The following DZIP3 variants were observed in gnomAD, a reference collection of about 807,000 sequenced individuals.
DZIP3 encodes the protein DAZ interacting zinc finger protein 3.
Under a neutral mutation model 162.0 loss-of-function variants are expected in DZIP3, and 118 were observed. The ratio of observed to expected loss-of-function variants is 0.73; its 90% CI spans 0.63 to 0.85. DZIP3 has a LOEUF of 0.85. DZIP3 is among the 40% of genes least tolerant of loss of function. The probability of loss-of-function intolerance (pLI) is 0.00; values close to 1 mark genes in which losing one functional copy is unlikely to be tolerated. For missense variants in DZIP3, 1,331 were observed against 1,407.0 expected, an observed-to-expected ratio of 0.95 and a Z score of 0.86; for synonymous variants, 438 against 458.6, an observed-to-expected ratio of 0.96 and a Z score of 0.57.
intron 12 of DZIP3, among the ~76,000 whole-genome samples, chr3:108,642,227 T>C (rs1000569751): frequency 6.7e-6 from 1 of 149,160 alleles, no homozygotes; most frequent in African/African-American, 2.5e-5. Context: ...GTATGAAATC[T>C]GGCAATACTG....
intron 25 of DZIP3, among the ~76,000 whole-genome samples, chr3:108,676,703 A>G (rs1944123795): frequency 6.6e-6 from 1 of 151,766 alleles, no homozygotes; most frequent in African/African-American, 2.4e-5. Flanking sequence ...TTTCTCTCCA[A>G]ACTCTTTCTT....
Position 108,631,342 on chromosome 3 carries a change from CTT to C in DZIP3, c.697-1609_697-1608del, listed in dbSNP as rs200255809. 6.7e-3 allele frequency among the ~76,000 whole-genome samples: 1,015 copies of C among 151,508 alleles called. 11 individuals are homozygous for C. Among genetic ancestry groups the C allele is most frequent in the African/African-American group, 0.024 (971 of 41,298 alleles). Reference sequence around the variant, plus strand: ...CTTTCAAGTATCAAAATAATTTATCCTTTGTATACTCTGTTCATATCTTGCCT... The same window carrying C: ...CTTTCAAGTATCAAAATAATTTATCCTGTATACTCTGTTCATATCTTGCCT... On this transcript the variant is annotated intron_variant, in intron 8 of 32. Coordinates refer to ENST00000361582, the MANE Select transcript of DZIP3 (RefSeq NM_014648.4).
rs749113211 is a variant in DZIP3, at chr3:108,608,106, A to C, written c.50A>C (p.Asp17Ala). ...EFFVRHPAVE[D>A]QRKEETENKL... ...TAAAATAGGCATCCTGCTGTGGAGG[A>C]TCAGAGGAAGGAAGAAACTGAGAAT... Residue 17 changes from aspartate (D) to alanine (A), a missense_variant, in exon 3 of 33, where the codon GAT (aspartate) becomes GCT (alanine). Asp to Ala is a moderately radical substitution (Grantham distance 126). Around this residue, in one of 2 missense-constraint regions of DZIP3, gnomAD observed 1,278 missense variants for 1,317.1 expected, o/e 0.97. Transcript: ENST00000361582. 2.5e-6 allele frequency: 4 copies of C among 1,613,186 alleles called. No homozygotes were observed. The highest frequency in any genetic ancestry group is 3.4e-6 in the Non-Finnish European group (4 of 1,179,476).
At position 108,636,625 on chromosome 3, in the gene DZIP3, G is replaced by T; in HGVS notation, c.928G>T (p.Gly310Trp). The change falls in exon 11 of 33, where the codon GGG (glycine) becomes TGG (tryptophan). Residue 310 changes from glycine (G) to tryptophan (W), a missense_variant. This residue lies in a region of DZIP3 where 1,278 missense variants were observed against 1,317.1 expected (regional missense o/e 0.97). Transcript: ENST00000361582. The part of the protein sequence containing the change: ...YPGENDQSFS[G>W]KKCLKEGCTG... ...CTATTAATAAATTTAGAGTTTTAGT[G>T]GGAAAAAATGTTTGAAGGAAGGATG... The T allele has an allele frequency of 4.5e-6, 7 of 1,552,364 alleles. No individual in the cohort carries two copies. Among genetic ancestry groups the T allele is most frequent in the Non-Finnish European group, 5.2e-6 (6 of 1,156,698 alleles).
At chr3:108,605,778 G>A (rs1274277867) in intron 2 of DZIP3, among the ~76,000 whole-genome samples, 1 of 152,138 alleles carries the variant, frequency 6.6e-6, no homozygotes, top group Non-Finnish European at 1.5e-5. Flanking sequence ...GGGGGCTGGG[G>A]ACCCCAGAGG....
chr3:108,647,782 C>A (rs920497433), intron 15 of DZIP3, among the ~76,000 whole-genome samples, 161 bp from the exon 16 acceptor site: 1 of 152,086 alleles, frequency 6.6e-6, no homozygotes, highest in East Asian at 1.9e-4. Flanking sequence ...TATTTGGTAA[C>A]TGATAAATGA....
chr3:108,666,044 A>G (rs1396794694), intron 21 of DZIP3, among the ~76,000 whole-genome samples: 4 of 152,164 alleles, frequency 2.6e-5, no homozygotes, highest in Non-Finnish European at 5.9e-5. Context: ...CAGAATGAGT[A>G]AAGAGTAAGA....
In DZIP3 at chr3:108,610,696, A is replaced by G. The variant is rs527365403; in HGVS notation, c.103-478A>G. On this transcript the variant is annotated intron_variant, in intron 3 of 32. Transcript: ENST00000361582. ...CTCTGTTGTCCACTAGTTCTTCACA[A>G]CTAATGTTAGTAGATATTCCAGCAG... is the stretch of plus-strand genomic sequence containing the variant. Among the ~76,000 whole-genome samples, 19 of 152,304 alleles carry G rather than the reference A, an allele frequency of 1.2e-4. No homozygotes were observed. In the South Asian group the frequency reaches 3.9e-3, roughly 32 times the overall value.
At chr3:108,676,627 G>A (rs945781671) in intron 25 of DZIP3, among the ~76,000 whole-genome samples, 1 of 151,016 alleles carries the variant, frequency 6.6e-6, no homozygotes, top group African/African-American at 2.4e-5. Context: ...AAAAAGCATT[G>A]TCATTCAGTT....
rs761669608 is a variant in DZIP3, at chr3:108,636,627, G to C, written c.930G>C (p.Gly310=). ...YPGENDQSFS[G]KKCLKEGCTG... ...ATTAATAAATTTAGAGTTTTAGTGG[G>C]AAAAAATGTTTGAAGGAAGGATGTA... The change falls in exon 11 of 33, where the codon GGG becomes GGC. Residue 310 remains glycine, a synonymous_variant. Transcript: ENST00000361582. 1 of 1,554,184 alleles carries C rather than the reference G, an allele frequency of 6.4e-7. No homozygotes were observed. Among genetic ancestry groups the C allele is most frequent in the Non-Finnish European group, 8.6e-7 (1 of 1,157,910 alleles).
chr3:108,607,845 A>C (rs1395596026), intron 2 of DZIP3, among the ~76,000 whole-genome samples: 1 of 152,064 alleles, frequency 6.6e-6, no homozygotes, highest in Admixed American at 6.5e-5. Context: ...CATATCTGTT[A>C]AGGATGCAGT....
chr3:108,638,855 TTAAAA>T (rs1476618080), intron 12 of DZIP3, among the ~76,000 whole-genome samples: 3 of 152,206 alleles, frequency 2.0e-5, no homozygotes, highest in Admixed American at 6.5e-5. Context: ...CTCATTGCTC[TTAAAA>T]TAAAGTTCAG....
chr3:108,690,408 G>A (rs1410846986), intron 31 of DZIP3, among the ~76,000 whole-genome samples: 1 of 152,040 alleles, frequency 6.6e-6, no homozygotes, highest in Non-Finnish European at 1.5e-5. Context: ...TTTCATACCA[G>A]GTACTAGTGA....
At chr3:108,596,296 GT>G (rs1576336485) in intron 1 of DZIP3, among the ~76,000 whole-genome samples, 2 of 152,156 alleles carry the variant, frequency 1.3e-5, no homozygotes, top group East Asian at 3.9e-4. Flanking sequence ...TTCTATTTAG[GT>G]TATGTTGTGA....
At chr3:108,634,807 A>G (rs1462944110) in intron 9 of DZIP3, 64 bp from the exon 10 acceptor site, 3 of 901,072 alleles carry the variant, frequency 3.3e-6, no homozygotes, top group Non-Finnish European at 1.6e-6. Flanking sequence ...TGACAATATA[A>G]TTTTTTTTAT....
chr3:108,611,324 A>G lies in DZIP3; in HGVS notation c.253A>G (p.Met85Val). ...ACAAGAAGATTTTTCCTTCCAAACT[A>G]TGCAGGTAACGTCATAAGTTGTTAT... ...FLQEDFSFQT[M>V]QREVAANSQN... Residue 85 changes from methionine (M) to valine (V), a missense_variant, in exon 4 of 33, where the codon ATG becomes GTG. By Grantham distance (21) the Met-to-Val change is conservative (BLOSUM62 1). This residue lies in a region of DZIP3 where 1,278 missense variants were observed against 1,317.1 expected (regional missense o/e 0.97). Coordinates refer to ENST00000361582, the MANE Select transcript of DZIP3 (RefSeq NM_014648.4). 6.2e-7 allele frequency: 1 copy of G among 1,611,988 alleles called. No homozygotes were observed. Among genetic ancestry groups the G allele is most frequent in the South Asian group, 1.1e-5 (1 of 90,480 alleles).
At chr3:108,596,524 A>G (rs936624224) in intron 1 of DZIP3, among the ~76,000 whole-genome samples, 5 of 152,224 alleles carry the variant, frequency 3.3e-5, no homozygotes, top group African/African-American at 9.6e-5. Flanking sequence ...GTTAACTGCA[A>G]GAAGACACAG....
At chr3:108,686,694 A>G (rs1435726332) in intron 28 of DZIP3, 110 bp downstream of exon 28, 13 of 1,289,984 alleles carry the variant, frequency 1.0e-5, no homozygotes, top group Non-Finnish European at 1.3e-5. Context: ...CAAAAAAAGT[A>G]CAGATGTTTC....
chr3:108,598,360 T>G (rs1939814907), intron 1 of DZIP3, among the ~76,000 whole-genome samples: 1 of 152,218 alleles, frequency 6.6e-6, no homozygotes, highest in Non-Finnish European at 1.5e-5. Flanking sequence ...TCCATAGTTG[T>G]GTAAAGATCA....
Sources: gnomAD v4.1 joint callset for allele counts (sites outside exome capture counted in the v4.1 genomes callset) on GRCh38, gnomAD v4.1.1 for gene constraint, gnomAD v4.1.1 regional missense constraint, MANE v1.5 for transcripts, NCBI Gene and HGNC (gene_info 2026-07-23, HGNC 2026-07-21) for gene names.